NAV2: variants seen among roughly 807,000 people sequenced by gnomAD.
NAV2 encodes helicase, APC down-regulated 1.
A neutral mutation model predicts 223.2 loss-of-function variants in NAV2; 54 were observed. The ratio of observed to expected loss-of-function variants is 0.24; its 90% confidence interval spans 0.19 to 0.30. The LOEUF (loss-of-function observed/expected upper bound fraction) is 0.30. Ranked by LOEUF, NAV2 falls within the 10% of genes least tolerant of loss-of-function variation. The probability of loss-of-function intolerance (pLI) is 1.00; values close to 1 mark genes in which losing one functional copy is unlikely to be tolerated. For synonymous variants in NAV2, 1,279 were observed against 1,239.3 expected, an observed-to-expected ratio of 1.03 and a Z score of -0.67; for missense variants, 2,806 against 3,147.5, an observed-to-expected ratio of 0.89 and a Z score of 2.60.
intron 1 of NAV2, among the ~76,000 whole-genome samples, chr11:19,394,798 G>T (rs1401215731): frequency 6.6e-6 from 1 of 152,178 alleles, no homozygotes; most frequent in African/African-American, 2.4e-5. Flanking sequence ...GGGCCTGAAA[G>T]AGGTTCAAAT....
At chr11:19,935,355 C>T (rs981968182) in intron 7 of NAV2, among the ~76,000 whole-genome samples, 1 of 152,192 alleles carries the variant, frequency 6.6e-6, no homozygotes, top group African/African-American at 2.4e-5. Context: ...ACTCATACAG[C>T]CATACATGTG....
At chr11:19,346,707 C>G (rs1000542767), upstream of NAV2, among the ~76,000 whole-genome samples, 1 of 152,200 alleles carries the variant, frequency 6.6e-6, no homozygotes, top group South Asian at 2.1e-4. Context: ...GCCCTCCCTC[C>G]CCTGTGGCTT....
At chr11:19,673,688 C>T (rs925103029) in intron 1 of NAV2, among the ~76,000 whole-genome samples, 5 of 152,262 alleles carry the variant, frequency 3.3e-5, no homozygotes, top group Middle Eastern at 3.4e-3. Context: ...GCCTTGTCTT[C>T]TGGTTTTGTT....
intron 1 of NAV2, among the ~76,000 whole-genome samples, chr11:19,747,349 C>T (rs545046649): frequency 3.3e-5 from 5 of 152,096 alleles, no homozygotes; most frequent in Non-Finnish European, 7.3e-5. Flanking sequence ...TCTCACCACT[C>T]ATTATTTTAC....
chr11:19,604,141 G>T (rs2046420792), intron 1 of NAV2, among the ~76,000 whole-genome samples: 1 of 152,146 alleles, frequency 6.6e-6, no homozygotes, highest in Non-Finnish European at 1.5e-5. Context: ...AGTGAGATAG[G>T]GGGCTTTGGA....
At chr11:20,033,957 A>G (rs1040707135) in intron 11 of NAV2, among the ~76,000 whole-genome samples, 4 of 152,194 alleles carry the variant, frequency 2.6e-5, no homozygotes, top group Non-Finnish European at 5.9e-5. Context: ...GGTTAAGTCA[A>G]TGCTTTGGTA....
intron 1 of NAV2, among the ~76,000 whole-genome samples, chr11:19,535,680 A>T (rs1216758519): frequency 6.6e-6 from 1 of 152,170 alleles, no homozygotes. Context: ...ACAGGGTCTC[A>T]TCATTCCTGA....
At chr11:20,071,551 A>G (rs1356489976) in intron 22 of NAV2, among the ~76,000 whole-genome samples, 1 of 152,194 alleles carries the variant, frequency 6.6e-6, no homozygotes, top group African/African-American at 2.4e-5. Context: ...GTCTTACATA[A>G]TGGTTGAACT....
chr11:19,706,592 A>G (rs931894082), intron 1 of NAV2, among the ~76,000 whole-genome samples: 2 of 152,234 alleles, frequency 1.3e-5, no homozygotes, highest in African/African-American at 2.4e-5. Flanking sequence ...GAGAAAGGAC[A>G]ATCCTCAGGT....
chr11:20,005,817 G>A (rs1301633556), intron 11 of NAV2, among the ~76,000 whole-genome samples: 1 of 152,192 alleles, frequency 6.6e-6, no homozygotes, highest in Non-Finnish European at 1.5e-5. Flanking sequence ...GGACAGCTGG[G>A]TAAGCTAGAA....
intron 6 of NAV2, among the ~76,000 whole-genome samples, chr11:19,913,823 C>T (rs945999199): frequency 9.2e-5 from 14 of 152,140 alleles, no homozygotes; most frequent in African/African-American, 1.4e-4. Context: ...ACTAGCTCTA[C>T]GCCTTTTTTT....
chr11:19,453,837 A>G (rs1227726401), intron 1 of NAV2, among the ~76,000 whole-genome samples: 1 of 152,218 alleles, frequency 6.6e-6, no homozygotes, highest in Non-Finnish European at 1.5e-5. Flanking sequence ...GCCCTTTAGA[A>G]AAAGGAAAGA....
chr11:19,345,909 C>T (rs538371880), upstream of NAV2, among the ~76,000 whole-genome samples: 1 of 152,276 alleles, frequency 6.6e-6, no homozygotes, highest in East Asian at 1.9e-4. This position sits in a 1 kb window ranked among gnomAD's most constrained non-coding sequence, Gnocchi z 5.2. Flanking sequence ...TGTATCCCCG[C>T]GTCTGGGTCC....
At chr11:19,637,340 C>A (rs1184261302) in intron 1 of NAV2, among the ~76,000 whole-genome samples, 1 of 152,238 alleles carries the variant, frequency 6.6e-6, no homozygotes, top group African/African-American at 2.4e-5. Context: ...AGCTGCTGAT[C>A]TTGCCTCCAC....
chr11:19,669,616 T>C (rs1263934714), intron 1 of NAV2, among the ~76,000 whole-genome samples: 2 of 152,240 alleles, frequency 1.3e-5, no homozygotes, highest in Non-Finnish European at 2.9e-5. Flanking sequence ...CAGCTCCCTC[T>C]CCTTCCACCG....
At chr11:19,892,950 A>G (rs577057625) in intron 6 of NAV2, among the ~76,000 whole-genome samples, 9 of 152,304 alleles carry the variant, frequency 5.9e-5, no homozygotes, top group Admixed American at 4.6e-4. Flanking sequence ...TGGAGCATGC[A>G]TTTTGTGAAC....
intron 11 of NAV2, among the ~76,000 whole-genome samples, chr11:20,019,285 C>T (rs2054282426): frequency 6.6e-6 from 1 of 152,100 alleles, no homozygotes; most frequent in African/African-American, 2.4e-5. Flanking sequence ...TATTTGGGGA[C>T]TCTAGGCAAA....
At chr11:20,018,278 C>A (rs994239922) in intron 11 of NAV2, among the ~76,000 whole-genome samples, 1 of 131,922 alleles carries the variant, frequency 7.6e-6, no homozygotes, top group African/African-American at 2.9e-5. Flanking sequence ...CGCTTGAACC[C>A]GGGAGGTGGA....
chr11:19,754,798 A>G (rs2054108576), intron 1 of NAV2, among the ~76,000 whole-genome samples: 1 of 152,194 alleles, frequency 6.6e-6, no homozygotes, highest in Admixed American at 6.5e-5. Context: ...CATCTTGTAT[A>G]CTTCACTGCA....
Sources: allele counts gnomAD v4.1 joint callset (sites outside exome capture counted in the v4.1 genomes callset), GRCh38; gene constraint gnomAD v4.1.1; non-coding constraint Gnocchi (gnomAD v3.1); transcripts MANE v1.5; gene names NCBI Gene and HGNC (gene_info 2026-07-23, HGNC 2026-07-21).